Variants in IL1RAPL2 observed in about 807,000 individuals in gnomAD.
The protein encoded by IL1RAPL2 is interleukin 1 receptor accessory protein like 2, also known as X-linked interleukin-1 receptor accessory protein-like 2.
Under a neutral mutation model 44.1 loss-of-function variants are expected in IL1RAPL2, and 3 were observed. The observed-to-expected ratio is 0.07, with a 90% CI of 0.03 to 0.18. The LOEUF (loss-of-function observed/expected upper bound fraction) is 0.18, where lower values mean the gene tolerates loss of function less well. Among genes scored for constraint, IL1RAPL2 ranks in the 10% least tolerant of loss-of-function variants. The probability of loss-of-function intolerance (pLI) is 1.00; values close to 1 mark genes in which losing one functional copy is unlikely to be tolerated. For missense variants in IL1RAPL2, 391 were observed against 496.4 expected (o/e 0.79, Z 2.02); for synonymous variants, 181 against 178.8 (o/e 1.01, Z -0.10).
chrX:105,694,181 T>C (rs1418015523), intron 6 of IL1RAPL2, among the ~76,000 whole-genome samples: 1 of 111,594 alleles, frequency 9.0e-6, no homozygotes, highest in Admixed American at 9.6e-5. Flanking sequence ...TCAAAGCAAG[T>C]CATAAGGCCA....
intron 2 of IL1RAPL2, among the ~76,000 whole-genome samples, chrX:105,002,276 G>C (rs912425852): frequency 1.5e-4 from 17 of 111,162 alleles, no homozygotes; most frequent in African/African-American, 4.6e-4. Flanking sequence ...AGGGAGACAG[G>C]AAAATATAAC....
At position 104,570,944 on chromosome X, in the gene IL1RAPL2, GT is replaced by G. The variant is rs112546510; in HGVS notation, c.-20+3905del. On this transcript the variant is annotated intron_variant, in intron 1 of 10. Transcript: ENST00000372582. ...TGACATTTTCCCCAAGCAAACTTTT[GT>G]TTTTTTTTTTTATCCCTTCCTTTTA... 3.4e-3 allele frequency among the ~76,000 whole-genome samples: 338 copies of G among 100,805 alleles called. 1 individual carries two copies. In the South Asian group the frequency reaches 0.036, roughly 11 times the overall value. The allele number at this position is 100,805 out of a possible 115,157, so 87.5% of individuals were successfully genotyped here. A position where few individuals can be genotyped will look rare whatever the true frequency, so the allele number is the denominator to read the frequency against.
chrX:104,898,540 G>A lies in IL1RAPL2; in HGVS notation c.82+239545G>A, dbSNP rs1049647994. Among the ~76,000 whole-genome samples, 7 of 112,689 alleles carry A rather than the reference G, an allele frequency of 6.2e-5. No individual in the cohort carries two copies. In the East Asian group the frequency reaches 1.9e-3, roughly 31 times the overall value. Reference sequence around the variant, plus strand: ...TAACCTTTTTCTGCATTTCTGCATTGCATGGCTGTCCTGCCTAACATCAGC... The same window carrying A: ...TAACCTTTTTCTGCATTTCTGCATTACATGGCTGTCCTGCCTAACATCAGC... On this transcript the variant is annotated intron_variant, in intron 2 of 10. Transcript: ENST00000372582.
chrX:104,728,591 C>A (rs1389546837), intron 2 of IL1RAPL2, among the ~76,000 whole-genome samples: 1 of 111,029 alleles, frequency 9.0e-6, no homozygotes, highest in African/African-American at 3.3e-5. Flanking sequence ...GCACCTAATA[C>A]AACATGACTG....
chrX:104,808,726 AG>A (rs1299655403), intron 2 of IL1RAPL2, among the ~76,000 whole-genome samples: 2 of 111,958 alleles, frequency 1.8e-5, no homozygotes, highest in Non-Finnish European at 3.8e-5. Context: ...GAGAGAAAAG[AG>A]GTAAAGATGA....
intron 2 of IL1RAPL2, among the ~76,000 whole-genome samples, chrX:104,874,803 TG>T (rs1250761680): frequency 9.0e-6 from 1 of 111,497 alleles, no homozygotes; most frequent in Admixed American, 9.5e-5. Context: ...ATTTAAAATT[TG>T]GGGATTAAAG....
intron 6 of IL1RAPL2, among the ~76,000 whole-genome samples, chrX:105,591,010 T>C (rs1200154862): frequency 2.7e-5 from 3 of 110,328 alleles, no homozygotes; most frequent in Non-Finnish European, 5.7e-5. Context: ...TTTACACATC[T>C]GGTAGAATTT....
rs1930332736 is a variant in IL1RAPL2, at chrX:104,658,938, C to T, written c.25C>T (p.Leu9Phe). 3 of 1,206,635 alleles carry T rather than the reference C, an allele frequency of 2.5e-6. No homozygotes were observed. The highest frequency in any genetic ancestry group is 1.7e-5 in the African/African-American group (1 of 57,488). The change falls in exon 2 of 11, where the codon CTT becomes TTT. Residue 9 changes from leucine (L) to phenylalanine (F), a missense_variant. This residue lies in a region of IL1RAPL2 where 159 missense variants were observed against 251.7 expected (regional missense o/e 0.63). Coordinates refer to ENST00000372582, the MANE Select transcript of IL1RAPL2 (RefSeq NM_017416.2). ...GATGAAGCCACCATTTCTTTTGGCC[C>T]TTGTGGTCTGTTCTGTAGTCAGCAC... MKPPFLLA[L>F]VVCSVVSTNL... is the part of the protein sequence containing the mutation.
chrX:105,195,344 T>C (rs2033664499), intron 2 of IL1RAPL2, 131 bp from the exon 3 acceptor site: 12 of 621,061 alleles, frequency 1.9e-5, no homozygotes, highest in Non-Finnish European at 3.1e-5. Flanking sequence ...GTCTATCTCA[T>C]AGGATTACTG....
rs757938868 is a variant in IL1RAPL2 at position 105,056,265 on chromosome X, G to A, written c.83-139210G>A. Reference sequence around the variant, plus strand: ...AATCTAAATTTGCATTTCAATCAAAGAACATCAATAATCGGACAGAGCAGA... The same window carrying A: ...AATCTAAATTTGCATTTCAATCAAAAAACATCAATAATCGGACAGAGCAGA... On this transcript the variant is annotated intron_variant, in intron 2 of 10. Transcript: ENST00000372582. Among the ~76,000 whole-genome samples, 19 of 111,615 alleles carry A rather than the reference G, an allele frequency of 1.7e-4. No individual in the cohort carries two copies. The South Asian group carries it at 4.5e-3, about 27-fold the overall frequency.
At chrX:104,915,062 G>A (rs1245972759) in intron 2 of IL1RAPL2, among the ~76,000 whole-genome samples, 1 of 111,673 alleles carries the variant, frequency 9.0e-6, no homozygotes, top group Non-Finnish European at 1.9e-5. Flanking sequence ...ATGATTTATA[G>A]TCCTTTGGGT....
At chrX:104,887,672 C>A (rs1243539173) in intron 2 of IL1RAPL2, among the ~76,000 whole-genome samples, 3 of 112,033 alleles carry the variant, frequency 2.7e-5, no homozygotes, top group Non-Finnish European at 5.6e-5. Context: ...AACCCTGCCA[C>A]TTTTCTCCCA....
At chrX:104,775,603 G>C (rs1182886628) in intron 2 of IL1RAPL2, among the ~76,000 whole-genome samples, 1 of 111,537 alleles carries the variant, frequency 9.0e-6, no homozygotes, top group Non-Finnish European at 1.9e-5. Flanking sequence ...GAGATGAATA[G>C]CAAGGAAACA....
At chrX:104,841,884 A>G (rs984764620) in intron 2 of IL1RAPL2, among the ~76,000 whole-genome samples, 6 of 106,418 alleles carry the variant, frequency 5.6e-5, no homozygotes, top group African/African-American at 2.1e-4. Flanking sequence ...TGATCTTCTC[A>G]TGAGTATCTT....
intron 1 of IL1RAPL2, among the ~76,000 whole-genome samples, chrX:104,614,296 C>G (rs1602644501): frequency 9.0e-6 from 1 of 111,501 alleles, no homozygotes; most frequent in Non-Finnish European, 1.9e-5. Flanking sequence ...AATTTGAGTT[C>G]TTTCTAACTT....
chrX:105,298,061 A>G (rs2034667461), intron 5 of IL1RAPL2, among the ~76,000 whole-genome samples: 1 of 111,271 alleles, frequency 9.0e-6, no homozygotes, highest in South Asian at 3.8e-4. Context: ...ACACACACAC[A>G]CATACATTGT....
intron 6 of IL1RAPL2, among the ~76,000 whole-genome samples, chrX:105,515,691 A>G (rs1399882948): frequency 9.0e-6 from 1 of 111,302 alleles, no homozygotes; most frequent in East Asian, 2.8e-4. Flanking sequence ...ATGGAAGACA[A>G]TACTTTCTCA....
intron 5 of IL1RAPL2, among the ~76,000 whole-genome samples, chrX:105,278,930 T>C (rs1390865076): frequency 8.9e-6 from 1 of 111,737 alleles, no homozygotes; most frequent in Non-Finnish European, 1.9e-5. Context: ...CTACATGTTT[T>C]ACATTTCCGT....
At chrX:104,892,255 T>A (rs949990979) in intron 2 of IL1RAPL2, among the ~76,000 whole-genome samples, 1 of 111,857 alleles carries the variant, frequency 8.9e-6, no homozygotes, top group African/African-American at 3.3e-5. Context: ...TCTAAAATTC[T>A]CTTTTTTTGT....
Sources: gnomAD v4.1 joint callset for allele counts (sites outside exome capture counted in the v4.1 genomes callset) on GRCh38, gnomAD v4.1.1 for gene constraint, gnomAD v4.1.1 regional missense constraint, MANE v1.5 for transcripts, NCBI Gene and HGNC (gene_info 2026-07-23, HGNC 2026-07-21) for gene names.